IPO5: variants seen among roughly 807,000 people sequenced by gnomAD.
IPO5 encodes the protein importin 5, also known as importin-5.
A neutral mutation model predicts 143.3 loss-of-function variants in IPO5; 18 were observed. The observed-to-expected ratio is 0.13, with a 90% confidence interval of 0.09 to 0.19. IPO5 has a LOEUF of 0.19. IPO5 is among the 10% of genes least tolerant of loss of function. The pLI is 1.00. For missense variants in IPO5, 1,013 were observed against 1,336.9 expected (o/e 0.76, Z 3.78); for synonymous variants, 477 against 465.7 (o/e 1.02, Z -0.31).
At chr13:98,012,782 C>T (rs1889810491) in intron 21 of IPO5, among the ~76,000 whole-genome samples, 1 of 149,802 alleles carries the variant, frequency 6.7e-6, no homozygotes, top group Admixed American at 6.7e-5. Context: ...GTGCACAACA[C>T]CAAGCCCAGC....
chr13:97,968,085 A>G (rs1885507361), intron 2 of IPO5, among the ~76,000 whole-genome samples: 2 of 152,182 alleles, frequency 1.3e-5, no homozygotes, highest in Non-Finnish European at 2.9e-5. Context: ...AGCCTTCCAA[A>G]GCACTGTGAT....
At chr13:97,977,841 T>C (rs1388216173) in intron 4 of IPO5, among the ~76,000 whole-genome samples, 1 of 152,208 alleles carries the variant, frequency 6.6e-6, no homozygotes, top group African/African-American at 2.4e-5. Flanking sequence ...TTGTAGAGTT[T>C]CATAAGATTA....
chr13:98,000,860 G>T (rs1888710649), intron 13 of IPO5: 2 of 543,644 alleles, frequency 3.7e-6, no homozygotes, highest in African/African-American at 3.8e-5. Flanking sequence ...ATTTGAAAAT[G>T]ATGTTATTAT....
At chr13:97,992,555 T>C (rs1379281798) in intron 9 of IPO5, among the ~76,000 whole-genome samples, 1 of 152,082 alleles carries the variant, frequency 6.6e-6, no homozygotes, top group African/African-American at 2.4e-5. Context: ...CGAGACCTTA[T>C]CACTGAAAAA....
Position 97,990,136 on chromosome 13 carries a change from G to A in IPO5, c.478G>A (p.Gly160Arg). Reference protein sequence around the residue: ...AALHIFWNFPGIFGNQQQHYL... With the variant: ...AALHIFWNFPRIFGNQQQHYL... ...TGGATTATCTTTTAGGAACTTTCCT[G>A]GAATTTTTGGGAACCAGCAACAACA... The change falls in exon 8 of 29, where the codon GGA becomes AGA. Residue 160 changes from glycine (G) to arginine (R), a missense_variant. Physicochemically the swap from Gly to Arg is moderately radical, Grantham distance 125 (BLOSUM62 -2). Around this residue, in one of 2 missense-constraint regions of IPO5, gnomAD observed 328 missense variants for 342.0 expected, o/e 0.96. Transcript: ENST00000651721. The A allele has an allele frequency of 6.2e-7, 1 of 1,606,288 alleles. No individual in the cohort carries two copies. The highest frequency in any genetic ancestry group is 8.5e-7 in the Non-Finnish European group (1 of 1,173,366).
At chr13:97,968,848 C>G (rs1452249104) in intron 2 of IPO5, among the ~76,000 whole-genome samples, 1 of 151,828 alleles carries the variant, frequency 6.6e-6, no homozygotes, top group Non-Finnish European at 1.5e-5. Context: ...GCCACTACAC[C>G]CAGCTAACAT....
chr13:97,975,244 G>A (rs1008010058), intron 3 of IPO5, among the ~76,000 whole-genome samples: 3 of 133,580 alleles, frequency 2.2e-5, no homozygotes, highest in African/African-American at 8.2e-5. Flanking sequence ...GCCGAGGCGG[G>A]GGGAGGGCGG....
chr13:98,015,810 C>G (rs767165713), intron 24 of IPO5, 29 bp downstream of exon 24: 2 of 1,468,554 alleles, frequency 1.4e-6, no homozygotes, highest in Non-Finnish European at 1.9e-6. Context: ...AACTTACTTA[C>G]GTGACCACTT....
rs1397771058 is a variant in IPO5 at position 98,011,925 on chromosome 13, A to C, written c.2056-321A>C. The stretch of plus-strand genomic sequence containing the variant: ...TTTTAGAATGATTTTTCCTCAATTA[A>C]GTGATACATTTTGTTTGATGTATTG... On this transcript the variant is annotated intron_variant, in intron 20 of 28. Transcript: ENST00000651721. Among the ~76,000 whole-genome samples the C allele has an allele frequency of 4.6e-5, 7 of 152,284 alleles. No individual in the cohort carries two copies. The East Asian group carries it at 1.3e-3, about 29-fold the overall frequency.
chr13:98,006,463 C>G, intron 17 of IPO5, 115 bp downstream of exon 17: 1 of 631,416 alleles, frequency 1.6e-6, no homozygotes, highest in Non-Finnish European at 2.5e-6. Context: ...CAAACTCTGC[C>G]TCCCAGGTTC....
At chr13:97,992,251 T>C (rs570499098) in intron 9 of IPO5, among the ~76,000 whole-genome samples, 32 of 152,350 alleles carry the variant, frequency 2.1e-4, no homozygotes, top group Middle Eastern at 3.4e-3. Flanking sequence ...TTTTAAGAGT[T>C]GTTATTCTGA....
chr13:97,967,206 A>C (rs967792196), intron 2 of IPO5, among the ~76,000 whole-genome samples: 1 of 151,982 alleles, frequency 6.6e-6, no homozygotes, highest in Non-Finnish European at 1.5e-5. Flanking sequence ...ACAGTATTCT[A>C]ATTCTTTTTA....
intron 4 of IPO5, among the ~76,000 whole-genome samples, chr13:97,977,476 C>CA (rs1886475546): frequency 6.6e-6 from 1 of 152,172 alleles, no homozygotes; most frequent in Non-Finnish European, 1.5e-5. Context: ...GCTCTTCAGA[C>CA]AAATTTTCTT....
chr13:97,993,212 T>C lies in IPO5; in HGVS notation c.900T>C (p.Ile300=). Reference sequence around the variant, plus strand: ...CTATGTTAAGAAAACATACCAATATTGTTGCACAGACTAGTAAGTCAATGG... The same window carrying C: ...CTATGTTAAGAAAACATACCAATATCGTTGCACAGACTAGTAAGTCAATGG... ...AAAMLRKHTN[I]VAQTIPQMLA... Residue 300 remains isoleucine (I), a synonymous_variant, in exon 11 of 29, where the codon ATT becomes ATC. Coordinates refer to ENST00000651721, the MANE Select transcript of IPO5 (RefSeq NM_002271.6). 1 of 1,614,034 alleles carries C rather than the reference T, an allele frequency of 6.2e-7. No homozygotes were observed. Among genetic ancestry groups the C allele is most frequent in the Non-Finnish European group, 8.5e-7 (1 of 1,179,968 alleles).
At chr13:97,979,921 T>G (rs1386738894) in intron 4 of IPO5, 1 of 456,730 alleles carries the variant, frequency 2.2e-6, no homozygotes, top group South Asian at 1.5e-5. Context: ...ATGTGTCCCC[T>G]CTTTTACTTT....
In IPO5 at chr13:98,023,125, A is replaced by G. The variant is rs1424198331; in HGVS notation, c.*1303A>G. 1 of 152,650 alleles carries G rather than the reference A, an allele frequency of 6.6e-6. No homozygotes were observed. The highest frequency in any genetic ancestry group is 1.9e-4 in the East Asian group (1 of 5,196). The allele number at this position is 152,650 out of a possible 1,614,324, so 9.5% of individuals were successfully genotyped here. A position where few individuals can be genotyped will look rare whatever the true frequency, so the allele number is the denominator to read the frequency against. On this transcript the variant is annotated 3_prime_UTR_variant, in exon 29 of 29. Transcript: ENST00000651721. ...AACTAAATCTGAAATGGAATAGAAAATAGAATGGATTACATACAGATGGTT... is the reference window on the plus strand; with the variant it reads ...AACTAAATCTGAAATGGAATAGAAAGTAGAATGGATTACATACAGATGGTT...
At chr13:97,995,022 A>G (rs1286533776) in intron 11 of IPO5, among the ~76,000 whole-genome samples, 2 of 151,280 alleles carry the variant, frequency 1.3e-5, no homozygotes, top group Non-Finnish European at 2.9e-5. Flanking sequence ...GCTACTCAGG[A>G]GGCTGAGATG....
intron 21 of IPO5, among the ~76,000 whole-genome samples, chr13:98,013,406 C>T (rs1038078860): frequency 6.6e-6 from 1 of 152,068 alleles, no homozygotes; most frequent in Admixed American, 6.6e-5. Flanking sequence ...CCTTTACACA[C>T]GAGAGTGGTA....
intron 25 of IPO5, 26 bp downstream of exon 25, chr13:98,016,877 G>T: frequency 6.8e-7 from 1 of 1,460,672 alleles, no homozygotes. Flanking sequence ...CTTAATAGTT[G>T]TTTTGCGTAG....
Sources: gnomAD v4.1 joint callset for allele counts (sites outside exome capture counted in the v4.1 genomes callset) on GRCh38, gnomAD v4.1.1 for gene constraint, gnomAD v4.1.1 regional missense constraint, MANE v1.5 for transcripts, NCBI Gene and HGNC (gene_info 2026-07-23, HGNC 2026-07-21) for gene names.